The following BCLAF1 variants were observed in gnomAD, a reference collection of about 807,000 sequenced individuals.
BCLAF1 encodes the protein BCL2 associated transcription factor 1.
A neutral mutation model predicts 99.5 loss-of-function variants in BCLAF1; 10 were observed. The observed-to-expected ratio is 0.10, with a 90% CI of 0.06 to 0.17. The LOEUF (loss-of-function observed/expected upper bound fraction) is 0.17. BCLAF1 is among the 10% of genes least tolerant of loss of function. BCLAF1 has a pLI of 1.00. For synonymous variants in BCLAF1, 255 were observed against 370.9 expected, an observed-to-expected ratio of 0.69 and a Z score of 3.59; for missense variants, 636 against 1,105.8, an observed-to-expected ratio of 0.58 and a Z score of 6.02.
intron 11 of BCLAF1, among the ~76,000 whole-genome samples, chr6:136,266,426 C>T (rs1781725322): frequency 1.3e-5 from 2 of 152,044 alleles, no homozygotes; most frequent in African/African-American, 4.8e-5. Context: ...GCAGAAAATG[C>T]CCATCCTTAT....
rs754722560 is a variant in BCLAF1, at chr6:136,279,865, ATTTCT to A, written c.-4_1del. Reference sequence around the variant, plus strand: ...ATGTGATCTAGAATTGGAGCGACCCATTTCTTTTCTCCTAATCAAATGATAGGGCA... The same window carrying A: ...ATGTGATCTAGAATTGGAGCGACCCATTTCTCCTAATCAAATGATAGGGCA... On this transcript the variant is annotated start_lost and start_retained_variant and 5_prime_UTR_variant, in exon 3 of 13. Coordinates refer to ENST00000531224, the MANE Select transcript of BCLAF1 (RefSeq NM_014739.3). The A allele has an allele frequency of 2.8e-5, 42 of 1,506,110 alleles. No homozygotes were observed. The South Asian group carries it at 5.9e-4, about 21-fold the overall frequency. 93.3% of individuals were successfully genotyped at this position (1,506,110 alleles called of 1,614,324 possible).
At chr6:136,266,604 C>G (rs1051089052) in intron 11 of BCLAF1, among the ~76,000 whole-genome samples, 1 of 151,996 alleles carries the variant, frequency 6.6e-6, no homozygotes, top group Non-Finnish European at 1.5e-5. Context: ...TGACAGCCTC[C>G]CTAAAATTCT....
chr6:136,280,236 A>T (rs1225800596), intron 2 of BCLAF1, among the ~76,000 whole-genome samples: 1 of 152,224 alleles, frequency 6.6e-6, no homozygotes, highest in Non-Finnish European at 1.5e-5. Flanking sequence ...CCTGTAAGAA[A>T]GATAAATAAT....
Position 136,275,845 on chromosome 6 carries a change from G to C in BCLAF1, c.1680C>G (p.Asn560Lys). ...ACTGGGCATCAATATGGAATTACCT[G>C]TTAGAATCATCAAGAGGAACAGGTG... ...KMAPVPLDDS[N>K]RPASLTKDRL... Residue 560 changes from asparagine (N) to lysine (K), a missense_variant and splice_region_variant, in exon 5 of 13, where the codon AAC (asparagine) becomes AAG (lysine). Transcript: ENST00000531224. 6.2e-7 allele frequency: 1 copy of C among 1,611,300 alleles called. No homozygotes were observed. The highest frequency in any genetic ancestry group is 8.5e-7 in the Non-Finnish European group (1 of 1,178,724).
In BCLAF1 at chr6:136,261,031, T is replaced by C. The variant is rs1016842914; in HGVS notation, c.*79A>G. The C allele has an allele frequency of 1.2e-4, 178 of 1,432,464 alleles. No individual in the cohort carries two copies. Among genetic ancestry groups the C allele is most frequent in the Middle Eastern group, 6.5e-4 (3 of 4,618 alleles). 88.7% of individuals were successfully genotyped at this position (1,432,464 alleles called of 1,614,324 possible). On this transcript the variant is annotated 3_prime_UTR_variant, in exon 13 of 13. Coordinates refer to ENST00000531224, the MANE Select transcript of BCLAF1 (RefSeq NM_014739.3). ...GTAAAATTTAAGTAAAATGCTTACA[T>C]TCTTATTTGAAAACAAAAATCAGGT...
rs1780535077 is a variant in BCLAF1, at chr6:136,257,639, T to C, written c.*3471A>G. 6.6e-6 allele frequency: 1 copy of C among 152,162 alleles called. No individual in the cohort carries two copies. The highest frequency in any genetic ancestry group is 1.5e-5 in the Non-Finnish European group (1 of 67,982). The allele number at this position is 152,162 out of a possible 1,614,324, so 9.4% of individuals were successfully genotyped here. On this transcript the variant is annotated 3_prime_UTR_variant, in exon 13 of 13. Transcript: ENST00000531224. ...AACATTTAATAATAGTATCAACTAT[T>C]TGAGAACTCTAAACATGTAATGGAT...
chr6:136,277,981 A>T lies in BCLAF1; in HGVS notation c.900T>A (p.Ser300Arg). ...TCTGTGGTGCGATTGTCTTTGCAGGACTTCTTCGTGAAGGGATGTGATGAA... is the reference window on the plus strand; with the variant it reads ...TCTGTGGTGCGATTGTCTTTGCAGGTCTTCTTCGTGAAGGGATGTGATGAA... The part of the protein sequence containing the change: ...SPIHHIPSRR[S>R]PAKTIAPQNA... Residue 300 changes from serine to arginine, a missense_variant, in exon 4 of 13, where the codon AGT becomes AGA. Ser to Arg is a moderately radical substitution (Grantham distance 110, BLOSUM62 -1). Around this residue, in one of 9 missense-constraint regions of BCLAF1, gnomAD observed 186 missense variants for 275.3 expected, o/e 0.68. Coordinates refer to ENST00000531224, the MANE Select transcript of BCLAF1 (RefSeq NM_014739.3). 6.2e-7 allele frequency: 1 copy of T among 1,607,502 alleles called. No individual in the cohort carries two copies. The highest frequency in any genetic ancestry group is 8.5e-7 in the Non-Finnish European group (1 of 1,176,748).
chr6:136,277,795 T>G (rs1677076078), intron 4 of BCLAF1, 70 bp downstream of exon 4: 2 of 1,499,678 alleles, frequency 1.3e-6, no homozygotes, highest in Non-Finnish European at 1.8e-6. Context: ...AATTTTACGT[T>G]TATAATTCCA....
chr6:136,268,115 C>T, intron 10 of BCLAF1, 47 bp downstream of exon 10: 1 of 1,480,540 alleles, frequency 6.8e-7, no homozygotes, highest in Non-Finnish European at 9.0e-7. Flanking sequence ...GTACAGTACT[C>T]TAAGATAAAC....
chr6:136,285,775 T>A (rs1785045057), intron 1 of BCLAF1, among the ~76,000 whole-genome samples: 1 of 152,088 alleles, frequency 6.6e-6, no homozygotes, highest in African/African-American at 2.4e-5. Context: ...AATGACCAGC[T>A]AGAACATAAG....
At chr6:136,282,722 T>C (rs1328671920) in intron 1 of BCLAF1, 35 bp from the exon 2 acceptor site, 2 of 152,340 alleles carry the variant, frequency 1.3e-5, no homozygotes, top group South Asian at 2.1e-4. Flanking sequence ...TTGTGATTTA[T>C]GTTAAATTAA....
At chr6:136,279,953 G>A in intron 2 of BCLAF1, 77 bp from the exon 3 acceptor site, 1 of 1,287,564 alleles carries the variant, frequency 7.8e-7, no homozygotes, top group East Asian at 2.9e-5. Context: ...CTTATTTTCA[G>A]ATAAAATTTG....
chr6:136,262,475 A>G (rs1342726810), intron 11 of BCLAF1, among the ~76,000 whole-genome samples: 3 of 152,164 alleles, frequency 2.0e-5, no homozygotes, highest in Non-Finnish European at 4.4e-5. Context: ...TTTCCAAAAC[A>G]TAAGACTGTG....
intron 8 of BCLAF1, 170 bp downstream of exon 8, chr6:136,271,825 T>C (rs1782575293): frequency 1.9e-6 from 1 of 521,202 alleles, no homozygotes; most frequent in Non-Finnish European, 3.4e-6. Context: ...CTTAGTATAG[T>C]GTCACCTTAA....
rs906123281 is a variant in BCLAF1, at chr6:136,260,523, G to A, written c.*587C>T. 1 of 152,050 alleles carries A rather than the reference G, an allele frequency of 6.6e-6. No homozygotes were observed. The highest frequency in any genetic ancestry group is 2.4e-5 in the African/African-American group (1 of 41,274). The allele number at this position is 152,050 out of a possible 1,614,324, so 9.4% of individuals were successfully genotyped here. A position where few individuals can be genotyped will look rare whatever the true frequency, so the allele number is the denominator to read the frequency against. On this transcript the variant is annotated 3_prime_UTR_variant, in exon 13 of 13. Transcript: ENST00000531224. ...GATTTTTAATAGCTTGTACTTTTTA[G>A]CTATTGGCAAAGCTTTTTTTTTTTA... is the stretch of plus-strand genomic sequence containing the variant.
intron 1 of BCLAF1, among the ~76,000 whole-genome samples, chr6:136,287,172 G>A (rs1305590788): frequency 1.3e-5 from 2 of 151,374 alleles, no homozygotes; most frequent in Non-Finnish European, 2.9e-5. Context: ...AGGACATGGT[G>A]GCGGGCCGGC....
intron 1 of BCLAF1, among the ~76,000 whole-genome samples, chr6:136,286,243 T>C (rs1283365950): frequency 6.6e-6 from 1 of 152,242 alleles, no homozygotes; most frequent in Non-Finnish European, 1.5e-5. Flanking sequence ...GTCCCCAGAT[T>C]GTTGTAAACA....
chr6:136,281,487 GT>G (rs1784378706), intron 2 of BCLAF1, among the ~76,000 whole-genome samples: 5 of 152,018 alleles, frequency 3.3e-5, no homozygotes, highest in Admixed American at 3.3e-4. Context: ...CCCTCCCAAA[GT>G]TTTTAAAAGA....
At chr6:136,261,220 T>C (rs1314080808) in intron 12 of BCLAF1, 45 bp downstream of exon 12, 2 of 1,597,472 alleles carry the variant, frequency 1.3e-6, no homozygotes, top group Admixed American at 3.4e-5. Flanking sequence ...CCACCAAACC[T>C]ATATCAAAAA....
Sources: gnomAD v4.1 joint callset for allele counts (sites outside exome capture counted in the v4.1 genomes callset) on GRCh38, gnomAD v4.1.1 for gene constraint, gnomAD v4.1.1 regional missense constraint, MANE v1.5 for transcripts, NCBI Gene and HGNC (gene_info 2026-07-23, HGNC 2026-07-21) for gene names.